Variants in SLC44A5 observed in about 807,000 individuals in gnomAD.
SLC44A5 encodes solute carrier family 44 member 5.
In SLC44A5, 57 loss-of-function variants were observed where a neutral mutation model predicts 101.8. The observed-to-expected ratio is 0.56, with a 90% CI of 0.45 to 0.70. The LOEUF is 0.70. Among genes scored for constraint, SLC44A5 ranks in the 30% least tolerant of loss-of-function variants. The pLI is 0.00. For missense variants in SLC44A5, 737 were observed against 853.1 expected, an observed-to-expected ratio of 0.86 and a Z score of 1.70; for synonymous variants, 281 against 290.9, an observed-to-expected ratio of 0.97 and a Z score of 0.35.
At chr1:75,683,057 T>C in the SLC44A5 span, among the ~76,000 whole-genome samples, 1 of 151,958 alleles carries the variant, frequency 6.6e-6, no homozygotes, top group Admixed American at 6.6e-5. Flanking sequence ...CACAATGAGA[T>C]ACCATCTCAC....
intron 1 of SLC44A5, among the ~76,000 whole-genome samples, chr1:75,587,945 G>T (rs190441569): frequency 6.6e-6 from 1 of 152,142 alleles, no homozygotes; most frequent in African/African-American, 2.4e-5. Context: ...TGTGAAAAAC[G>T]TGTTGACCAT....
chr1:75,476,611 G>T (rs564544607), intron 2 of SLC44A5, among the ~76,000 whole-genome samples: 1 of 152,244 alleles, frequency 6.6e-6, no homozygotes, highest in African/African-American at 2.4e-5. Context: ...CCCACACCTG[G>T]CTCGGAGGGT....
chr1:75,375,329 T>C (rs1347678528), intron 3 of SLC44A5, among the ~76,000 whole-genome samples: 2 of 152,132 alleles, frequency 1.3e-5, no homozygotes, highest in African/African-American at 2.4e-5. Context: ...AATTTAAAAA[T>C]AGACAAACCC....
At position 75,512,480 on chromosome 1, in the gene SLC44A5, TGA is replaced by T. The variant is rs1557862441; in HGVS notation, c.13+28953_13+28954del. ...CCAATTTTTAGTTAGTGTCTGAAGT[TGA>T]TTTAGATAAGCATATTAACAGCTGA... On this transcript the variant is annotated intron_variant, in intron 2 of 23. Transcript: ENST00000370859. Among the ~76,000 whole-genome samples the T allele has an allele frequency of 3.9e-5, 6 of 152,288 alleles. No individual in the cohort carries two copies. In the East Asian group the frequency reaches 1.2e-3, roughly 29 times the overall value.
At chr1:75,552,881 A>C (rs1230411407) in intron 1 of SLC44A5, among the ~76,000 whole-genome samples, 2 of 101,800 alleles carry the variant, frequency 2.0e-5, no homozygotes, top group African/African-American at 7.7e-5. Context: ...AACAATTATA[A>C]ATGATAACTT....
chr1:75,494,871 C>G (rs1668590703), intron 2 of SLC44A5, among the ~76,000 whole-genome samples: 2 of 152,302 alleles, frequency 1.3e-5, no homozygotes, highest in Non-Finnish European at 2.9e-5. Context: ...ATCTAATACT[C>G]CAACTTTTCT....
At chr1:75,217,793 T>C in intron 18 of SLC44A5, 73 bp downstream of exon 18, 1 of 950,508 alleles carries the variant, frequency 1.1e-6, no homozygotes, top group South Asian at 1.3e-5. Context: ...GTCCAAGTTA[T>C]AATCATCAGG....
intron 6 of SLC44A5, among the ~76,000 whole-genome samples, chr1:75,258,628 CA>C (rs1650224426): frequency 1.3e-5 from 2 of 152,256 alleles, no homozygotes; most frequent in South Asian, 4.1e-4. Flanking sequence ...TCCCTGCTGG[CA>C]GCTCTGAAGA....
At chr1:75,319,945 G>T (rs1656011469) in intron 4 of SLC44A5, among the ~76,000 whole-genome samples, 1 of 152,228 alleles carries the variant, frequency 6.6e-6, no homozygotes. Context: ...CTTGGCTTTT[G>T]TACGTGAATT....
intron 3 of SLC44A5, among the ~76,000 whole-genome samples, chr1:75,376,202 G>A (rs540078597): frequency 0.014 from 2,120 of 152,268 alleles, 59 homozygotes; most frequent in African/African-American, 0.048. Context: ...ATGGAGTCTC[G>A]CTGATTGCTA....
chr1:75,372,491 C>T (rs369070876), intron 3 of SLC44A5, among the ~76,000 whole-genome samples: 1 of 151,718 alleles, frequency 6.6e-6, no homozygotes, highest in African/African-American at 2.4e-5. Flanking sequence ...AGGAGGAAAT[C>T]ATCATGACAA....
intron 9 of SLC44A5, among the ~76,000 whole-genome samples, chr1:75,241,634 C>T (rs1648638234): frequency 6.6e-6 from 1 of 152,060 alleles, no homozygotes; most frequent in African/African-American, 2.4e-5. Flanking sequence ...CCCCCTACTC[C>T]TCAGGCAATT....
At chr1:75,224,058 A>G (rs1647145619) in intron 13 of SLC44A5, among the ~76,000 whole-genome samples, 1 of 152,240 alleles carries the variant, frequency 6.6e-6, no homozygotes, top group African/African-American at 2.4e-5. Context: ...TTTTGAACTT[A>G]CATACAGTCA....
At position 75,203,619 on chromosome 1, in the gene SLC44A5, C is replaced by T. The variant is rs1236734475; in HGVS notation, c.*108G>A. ...ACATGCAAATGCAAGCCAACAAGGT[C>T]GTGAATACAGTGTTGCTAAACACAA... On this transcript the variant is annotated 3_prime_UTR_variant, in exon 24 of 24. Transcript: ENST00000370859. 17 of 1,321,444 alleles carry T rather than the reference C, an allele frequency of 1.3e-5. No individual in the cohort carries two copies. Among genetic ancestry groups the T allele is most frequent in the South Asian group, 1.7e-5 (1 of 59,140 alleles). 81.9% of individuals were successfully genotyped at this position (1,321,444 alleles called of 1,614,324 possible).
At chr1:75,341,942 C>T (rs1261323985) in intron 3 of SLC44A5, among the ~76,000 whole-genome samples, 1 of 152,102 alleles carries the variant, frequency 6.6e-6, no homozygotes, top group African/African-American at 2.4e-5. Context: ...TTTTAGATGA[C>T]CCACTAACTG....
At chr1:75,409,528 A>T in intron 2 of SLC44A5, among the ~76,000 whole-genome samples, 1 of 152,174 alleles carries the variant, frequency 6.6e-6, no homozygotes, top group South Asian at 2.1e-4. Context: ...GGCAACAGAG[A>T]AAGGGCCAGA....
At chr1:75,597,815 T>A (rs1674735733) in intron 1 of SLC44A5, among the ~76,000 whole-genome samples, 1 of 152,108 alleles carries the variant, frequency 6.6e-6, no homozygotes, top group South Asian at 2.1e-4. Context: ...GACTTAAATA[T>A]AAAACCTAAA....
intron 23 of SLC44A5, chr1:75,206,592 C>T: frequency 6.8e-7 from 1 of 1,479,802 alleles, no homozygotes; most frequent in Non-Finnish European, 9.4e-7. Flanking sequence ...ATGAGTGACA[C>T]TGTTTGGAGC....
the SLC44A5 span, among the ~76,000 whole-genome samples, chr1:75,631,680 GCA>G: frequency 1.5e-3 from 229 of 151,504 alleles, no homozygotes; most frequent in African/African-American, 5.4e-3. Context: ...GGGATTACAG[GCA>G]CACTCCACTG....
Sources: allele counts gnomAD v4.1 joint callset (sites outside exome capture counted in the v4.1 genomes callset), GRCh38; gene constraint gnomAD v4.1.1; transcripts MANE v1.5; gene names NCBI Gene and HGNC (gene_info 2026-07-23, HGNC 2026-07-21).